The following PLG variants were observed in gnomAD, a reference collection of about 807,000 sequenced individuals.
The protein encoded by PLG is plasmin.
PLG carries 41 observed loss-of-function variants against 104.4 expected under a neutral mutation model. That is an observed-to-expected ratio of 0.39 (90% CI 0.31 to 0.51). The LOEUF (loss-of-function observed/expected upper bound fraction) is 0.51, where lower values mean the gene tolerates loss of function less well. PLG is among the 20% of genes least tolerant of loss of function. PLG has a pLI of 0.76. For missense variants in PLG, 891 were observed against 1,003.6 expected, an observed-to-expected ratio of 0.89 and a Z score of 1.52; for synonymous variants, 337 against 357.1, an observed-to-expected ratio of 0.94 and a Z score of 0.63.
In PLG at chr6:160,709,170, CA is replaced by C. The variant is rs543535724; in HGVS notation, c.292+1374del. On this transcript the variant is annotated intron_variant, in intron 3 of 18. Transcript: ENST00000308192. ...TTATATAAACTCTGATGGGTACATA[CA>C]AAAAAAAAAGAAGTGAAAAGTCAAA... is the stretch of plus-strand genomic sequence containing the variant. Among the ~76,000 whole-genome samples the C allele has an allele frequency of 1.2e-3, 171 of 146,140 alleles. 1 individual carries two copies. Among genetic ancestry groups the C allele is most frequent in the Admixed American group, 2.9e-3 (42 of 14,600 alleles).
rs769824406 is a variant in PLG at position 160,734,041 on chromosome 6, C to T, written c.1634C>T (p.Thr545Met). 20 of 1,611,480 alleles carry T rather than the reference C, an allele frequency of 1.2e-5. No homozygotes were observed. The highest frequency in any genetic ancestry group is 1.6e-5 in the Non-Finnish European group (19 of 1,177,850). Residue 545 changes from threonine to methionine, a missense_variant, in exon 13 of 19, where the codon ACG (threonine) becomes ATG (methionine). By Grantham distance (81) the Thr-to-Met change is moderately conservative. Around this residue, in one of 2 missense-constraint regions of PLG, gnomAD observed 854 missense variants for 932.1 expected, o/e 0.92. Transcript: ENST00000308192. The surrounding 1 kb of genome is among the most constrained non-coding windows in gnomAD (Gnocchi z 4.4). The part of the protein sequence containing the change: ...DGDVGGPWCY[T>M]TNPRKLYDYC... Reference sequence around the variant, plus strand: ...GATGTAGGTGGTCCCTGGTGCTACACGACAAATCCAAGAAAACTTTACGAC... The same window carrying T: ...GATGTAGGTGGTCCCTGGTGCTACATGACAAATCCAAGAAAACTTTACGAC...
intron 7 of PLG, among the ~76,000 whole-genome samples, chr6:160,717,810 T>C (rs1025113193): frequency 2.0e-5 from 3 of 152,198 alleles, no homozygotes; most frequent in African/African-American, 7.2e-5. Context: ...CTCACAGGCA[T>C]AGATGCTACT....
chr6:160,718,717 C>T lies in PLG; in HGVS notation c.975C>T (p.Arg325=). 1.9e-6 allele frequency: 3 copies of T among 1,613,946 alleles called. No individual in the cohort carries two copies. The highest frequency in any genetic ancestry group is 2.5e-6 in the Non-Finnish European group (3 of 1,179,904). ...GAAATTTGGATGAAAACTACTGCCG[C>T]AATCCTGACGGAAAAAGGGCCCCAT... ...PCKNLDENYC[R]NPDGKRAPWC... The change falls in exon 9 of 19, where the codon CGC becomes CGT. Residue 325 remains arginine (R), a synonymous_variant. Transcript: ENST00000308192.
At chr6:160,743,376 T>A (rs985363940) in intron 17 of PLG, among the ~76,000 whole-genome samples, 3 of 152,196 alleles carry the variant, frequency 2.0e-5, no homozygotes, top group Non-Finnish European at 2.9e-5. Context: ...GATCTTTACC[T>A]CTCTGGTTAG....
rs1004478993 is a variant in PLG at position 160,753,193 on chromosome 6, G to A, written c.*132G>A. 18 of 641,338 alleles carry A rather than the reference G, an allele frequency of 2.8e-5. No homozygotes were observed. Among genetic ancestry groups the A allele is most frequent in the African/African-American group, 5.5e-5 (3 of 54,530 alleles). 39.7% of individuals were successfully genotyped at this position (641,338 alleles called of 1,614,324 possible). The stretch of plus-strand genomic sequence containing the variant: ...CCAGCTACCAGCTACGCCAAACCTC[G>A]GCATTTTTTGTGTTATTTTCTGACT... On this transcript the variant is annotated 3_prime_UTR_variant, in exon 19 of 19. Coordinates refer to ENST00000308192, the MANE Select transcript of PLG (RefSeq NM_000301.5). The surrounding 1 kb of genome is among the most constrained non-coding windows in gnomAD (Gnocchi z 5.4).
At position 160,738,346 on chromosome 6, in the gene PLG, G is replaced by T. The variant is rs1778123820; in HGVS notation, c.1803-192G>T. On this transcript the variant is annotated intron_variant, in intron 14 of 18. Transcript: ENST00000308192. This position sits in a 1 kb window ranked among gnomAD's most constrained non-coding sequence, Gnocchi z 6.8. ...AGCATCGGAAAAATTGGCATAGATG[G>T]GCCCTTCTCAAAAATCCCACTCCTG... The T allele has an allele frequency of 1.7e-6, 1 of 605,992 alleles. No individual in the cohort carries two copies. The highest frequency in any genetic ancestry group is 3.1e-5 in the East Asian group (1 of 32,552). The allele number at this position is 605,992 out of a possible 1,614,324, so 37.5% of individuals were successfully genotyped here.
intron 17 of PLG, among the ~76,000 whole-genome samples, chr6:160,749,609 T>TCTC (rs1778362337): frequency 1.6e-5 from 2 of 126,950 alleles, no homozygotes; most frequent in African/African-American, 3.0e-5. Flanking sequence ...TTATCATCAC[T>TCTC]ACCATTATCA....
At position 160,736,991 on chromosome 6, in the gene PLG, G is replaced by A; in HGVS notation, c.1786G>A (p.Val596Ile). 3 of 1,613,532 alleles carry A rather than the reference G, an allele frequency of 1.9e-6. No individual in the cohort carries two copies. Among genetic ancestry groups the A allele is most frequent in the Non-Finnish European group, 2.5e-6 (3 of 1,179,882 alleles). The change falls in exon 14 of 19, where the codon GTC becomes ATC. Residue 596 changes from valine to isoleucine, a missense_variant. By Grantham distance (29) the Val-to-Ile change is conservative (BLOSUM62 3). Transcript: ENST00000308192. This position sits in a 1 kb window ranked among gnomAD's most constrained non-coding sequence, Gnocchi z 5.2. The part of the protein sequence containing the change: ...VAHPHSWPWQ[V>I]SLRTRFGMHF... The stretch of plus-strand genomic sequence containing the variant: ...CCACCCACATTCCTGGCCCTGGCAA[G>A]TCAGTCTTAGAACAAGGTAAGAACA...
rs770227121 is a variant in PLG at position 160,753,522 on chromosome 6, T to C, written c.*461T>C. 1.3e-5 allele frequency among the ~76,000 whole-genome samples: 2 copies of C among 152,278 alleles called. No homozygotes were observed. On this transcript the variant is annotated 3_prime_UTR_variant, in exon 19 of 19. Coordinates refer to ENST00000308192, the MANE Select transcript of PLG (RefSeq NM_000301.5). The surrounding 1 kb of genome is among the most constrained non-coding windows in gnomAD (Gnocchi z 5.4). ...ACTGTCTTTATTCCTGACACTGAGATGAATGTTTTCAAAGCTGCAACATGT... is the reference window on the plus strand; with the variant it reads ...ACTGTCTTTATTCCTGACACTGAGACGAATGTTTTCAAAGCTGCAACATGT...
At chr6:160,729,488 T>G (rs1190998264) in intron 10 of PLG, among the ~76,000 whole-genome samples, 2 of 152,150 alleles carry the variant, frequency 1.3e-5, no homozygotes, top group Non-Finnish European at 2.9e-5. Flanking sequence ...ACAAGGTCAA[T>G]CAATGAGAAA....
chr6:160,733,938 AC>A (rs1358511905), intron 12 of PLG, 56 bp from the exon 13 acceptor site: 7 of 868,394 alleles, frequency 8.1e-6, no homozygotes, highest in Non-Finnish European at 1.4e-5. Context: ...GCCTTGGAAC[AC>A]CTTCTCCCTC....
intron 17 of PLG, among the ~76,000 whole-genome samples, chr6:160,750,858 A>G (rs1582954644): frequency 1.3e-5 from 2 of 152,304 alleles, no homozygotes. Context: ...CGACACTGAG[A>G]CATCCCTGGG....
In PLG at chr6:160,730,919, C is replaced by T. The variant is rs538875551; in HGVS notation, c.1257-132C>T. On this transcript the variant is annotated intron_variant, in intron 10 of 18. Transcript: ENST00000308192. ...TGAGGACCATTTTTGTTTGTTACAACATTATTGTACCTATAATGGGAATAT... is the reference window on the plus strand; with the variant it reads ...TGAGGACCATTTTTGTTTGTTACAATATTATTGTACCTATAATGGGAATAT... 1.4e-4 allele frequency: 116 copies of T among 842,710 alleles called. 1 individual carries two copies. Among genetic ancestry groups the T allele is most frequent in the Middle Eastern group, 6.3e-4 (2 of 3,182 alleles). 52.2% of individuals were successfully genotyped at this position (842,710 alleles called of 1,614,324 possible). A position where few individuals can be genotyped will look rare whatever the true frequency, so the allele number is the denominator to read the frequency against.
chr6:160,717,896 A>G (rs968130003), intron 7 of PLG, among the ~76,000 whole-genome samples: 3 of 152,226 alleles, frequency 2.0e-5, no homozygotes, highest in African/African-American at 7.2e-5. Flanking sequence ...AAGCCAAGAC[A>G]GGCCAGAACA....
At position 160,753,293 on chromosome 6, in the gene PLG, T is replaced by C. The variant is rs1778439988; in HGVS notation, c.*232T>C. On this transcript the variant is annotated 3_prime_UTR_variant, in exon 19 of 19. Coordinates refer to ENST00000308192, the MANE Select transcript of PLG (RefSeq NM_000301.5). The surrounding 1 kb of genome is among the most constrained non-coding windows in gnomAD (Gnocchi z 5.4). ...ACTCTGTACTTAACTTTGATTTGAG[T>C]AAATTTTGGTTTTGGTCTTCAACAT... is the stretch of plus-strand genomic sequence containing the variant. 1 of 549,042 alleles carries C rather than the reference T, an allele frequency of 1.8e-6. No homozygotes were observed. The allele number at this position is 549,042 out of a possible 1,614,324, so 34.0% of individuals were successfully genotyped here.
intron 17 of PLG, among the ~76,000 whole-genome samples, chr6:160,745,225 T>C (rs578220978): frequency 1.3e-5 from 2 of 152,220 alleles, no homozygotes; most frequent in Non-Finnish European, 2.9e-5. Flanking sequence ...TGTGCCTCGA[T>C]GATCTGTCTA....
Position 160,737,949 on chromosome 6 carries a change from C to T in PLG, c.1803-589C>T, listed in dbSNP as rs1186472592. The stretch of plus-strand genomic sequence containing the variant: ...TCAACATGCTACCATCATGCACTTC[C>T]TATCTCTATTCCTCTTCTTTAAATT... On this transcript the variant is annotated intron_variant, in intron 14 of 18. Coordinates refer to ENST00000308192, the MANE Select transcript of PLG (RefSeq NM_000301.5). The surrounding 1 kb of genome is among the most constrained non-coding windows in gnomAD (Gnocchi z 4.7). Among the ~76,000 whole-genome samples the T allele has an allele frequency of 6.8e-6, 1 of 147,328 alleles. No homozygotes were observed. The highest frequency in any genetic ancestry group is 2.6e-5 in the African/African-American group (1 of 38,238).
chr6:160,717,436 C>T (rs1225997233), intron 7 of PLG, among the ~76,000 whole-genome samples: 2 of 150,944 alleles, frequency 1.3e-5, no homozygotes, highest in African/African-American at 2.5e-5. Flanking sequence ...CTCAGGCATT[C>T]TCCCTTTTTA....
In PLG at chr6:160,732,016, G is replaced by C. The variant is rs1204239792; in HGVS notation, c.1587+123G>C. 3 of 1,020,810 alleles carry C rather than the reference G, an allele frequency of 2.9e-6. No individual in the cohort carries two copies. In the African/African-American group the frequency reaches 4.7e-5, roughly 16 times the overall value. The allele number at this position is 1,020,810 out of a possible 1,614,324, so 63.2% of individuals were successfully genotyped here. A position where few individuals can be genotyped will look rare whatever the true frequency, so the allele number is the denominator to read the frequency against. ...TTTTTGTAATGGGGGAGAGGGGACA[G>C]AAGAAAATATTGGAAAGGCATCAGG... On this transcript the variant is annotated intron_variant, in intron 12 of 18. Coordinates refer to ENST00000308192, the MANE Select transcript of PLG (RefSeq NM_000301.5). The surrounding 1 kb of genome is among the most constrained non-coding windows in gnomAD (Gnocchi z 4.5).
Sources: allele counts gnomAD v4.1 joint callset (sites outside exome capture counted in the v4.1 genomes callset), GRCh38; gene constraint gnomAD v4.1.1; regional missense constraint gnomAD v4.1.1; non-coding constraint Gnocchi (gnomAD v3.1); transcripts MANE v1.5; gene names NCBI Gene and HGNC (gene_info 2026-07-23, HGNC 2026-07-21).